The following UGT1A9 variants were observed in gnomAD, a reference collection of about 807,000 sequenced individuals.
UGT1A9 encodes UDP glucuronosyltransferase family 1 member A9, also known as UDP-glucuronosyltransferase 1A9.
UGT1A9 carries 35 observed loss-of-function variants against 45.0 expected under a neutral mutation model. The ratio of observed to expected loss-of-function variants is 0.78; its 90% CI spans 0.59 to 1.03. UGT1A9 has a LOEUF of 1.03. UGT1A9 is among the 50% of genes least tolerant of loss of function. UGT1A9 has a pLI of 0.00. For missense variants in UGT1A9, 687 were observed against 666.6 expected, an observed-to-expected ratio of 1.03 and a Z score of -0.34; for synonymous variants, 278 against 250.6, an observed-to-expected ratio of 1.11 and a Z score of -1.03.
At chr2:233,705,835 G>A (rs1031136010) in intron 1 of UGT1A9, among the ~76,000 whole-genome samples, 34 of 152,260 alleles carry the variant, frequency 2.2e-4, no homozygotes, top group African/African-American at 7.7e-4. Flanking sequence ...CACAGTGGCT[G>A]GAGCTGAAGT....
chr2:233,672,705 T>C lies in UGT1A9; in HGVS notation c.771T>C (p.Phe257=). Reference sequence around the variant, plus strand: ...CAATTTGGTTGTTGCGAACGGACTTTGTTTTGGACTATCCCAAACCCGTGA... The same window carrying C: ...CAATTTGGTTGTTGCGAACGGACTTCGTTTTGGACTATCCCAAACCCGTGA... ...HTSIWLLRTD[F]VLDYPKPVMP... is the part of the protein sequence containing the mutation. Residue 257 remains phenylalanine (F), a synonymous_variant, in exon 1 of 5, where the codon TTT becomes TTC. Coordinates refer to ENST00000354728, the MANE Select transcript of UGT1A9 (RefSeq NM_021027.3). The C allele has an allele frequency of 6.2e-7, 1 of 1,614,002 alleles. No individual in the cohort carries two copies. Among genetic ancestry groups the C allele is most frequent in the South Asian group, 1.1e-5 (1 of 91,074 alleles).
chr2:233,768,215 C>T lies in UGT1A9; in HGVS notation c.1076-5C>T. The T allele has an allele frequency of 1.2e-6, 2 of 1,614,186 alleles. No individual in the cohort carries two copies. Among genetic ancestry groups the T allele is most frequent in the Admixed American group, 3.3e-5 (2 of 60,020 alleles). On this transcript the variant is annotated splice_polypyrimidine_tract_variant and splice_region_variant and intron_variant, in intron 3 of 4. Coordinates refer to ENST00000354728, the MANE Select transcript of UGT1A9 (RefSeq NM_021027.3). Reference sequence around the variant, plus strand: ...TGCTGACATCCTCCCTATTTTGCATCTCAGGTCACCCGATGACCCGTGCCT... The same window carrying T: ...TGCTGACATCCTCCCTATTTTGCATTTCAGGTCACCCGATGACCCGTGCCT...
In UGT1A9 at chr2:233,719,788, G is replaced by T. The variant is rs184331208; in HGVS notation, c.855+46999G>T. 800 of 1,609,458 alleles carry T rather than the reference G, an allele frequency of 5.0e-4. 15 individuals are homozygous for T. The East Asian group carries it at 0.012, about 25-fold the overall frequency. On this transcript the variant is annotated intron_variant, in intron 1 of 4. Transcript: ENST00000354728. ...TTCCATATCTACTTATCTTTCCAAA[G>T]ATTTTATTTTGGCTTCTTTATAACA...
At chr2:233,728,309 T>C (rs1025928901) in intron 1 of UGT1A9, among the ~76,000 whole-genome samples, 4 of 152,178 alleles carry the variant, frequency 2.6e-5, no homozygotes, top group African/African-American at 9.6e-5. Flanking sequence ...CTGTGCAAGA[T>C]CTGAGGCCAG....
At chr2:233,742,793 T>C (rs1266813463) in intron 1 of UGT1A9, 1 of 152,996 alleles carries the variant, frequency 6.5e-6, no homozygotes, top group Non-Finnish European at 1.5e-5. Context: ...ATCATTAAAT[T>C]AAGCCAGAAG....
Position 233,672,017 on chromosome 2 carries a change from T to G in UGT1A9, c.83T>G (p.Leu28Arg), listed in dbSNP as rs775685755. ...TGTGGCTTTGCCGAGGCAGGGAAGC[T>G]ACTGGTAGTGCCCATGGATGGGAGC... is the stretch of plus-strand genomic sequence containing the variant. ...LTCGFAEAGKLLVVPMDGSHW... is the reference protein window; with the variant it reads ...LTCGFAEAGKRLVVPMDGSHW... The change falls in exon 1 of 5, where the codon CTA becomes CGA. Residue 28 changes from leucine (L) to arginine (R), a missense_variant. Leu to Arg is a moderately radical substitution (Grantham distance 102). Transcript: ENST00000354728. 1 of 1,614,158 alleles carries G rather than the reference T, an allele frequency of 6.2e-7. No individual in the cohort carries two copies. Among genetic ancestry groups the G allele is most frequent in the South Asian group, 1.1e-5 (1 of 91,082 alleles).
Position 233,674,345 on chromosome 2 carries a change from T to C in UGT1A9, c.855+1556T>C, listed in dbSNP as rs45539636. Among the ~76,000 whole-genome samples the C allele has an allele frequency of 2.4e-3, 364 of 152,320 alleles. 1 individual carries two copies. Among genetic ancestry groups the C allele is most frequent in the Non-Finnish European group, 4.1e-3 (276 of 68,034 alleles). ...CTAGGAGATGCAAATGGCAGAAATC[T>C]AAGAGGTTAGACTTGTCTAAGCACT... is the stretch of plus-strand genomic sequence containing the variant. On this transcript the variant is annotated intron_variant, in intron 1 of 4. Transcript: ENST00000354728.
At chr2:233,758,329 G>C (rs544542552) in intron 1 of UGT1A9, among the ~76,000 whole-genome samples, 16 of 152,342 alleles carry the variant, frequency 1.1e-4, no homozygotes, top group Non-Finnish European at 2.1e-4. Context: ...GCCTCAAAAA[G>C]CTTGGAAGCT....
At chr2:233,687,867 C>G (rs1299478356) in intron 1 of UGT1A9, among the ~76,000 whole-genome samples, 2 of 152,166 alleles carry the variant, frequency 1.3e-5, no homozygotes, top group Non-Finnish European at 2.9e-5. Flanking sequence ...ATGACTATTC[C>G]ACTCCACTCC....
In UGT1A9 at chr2:233,672,015, G is replaced by C; in HGVS notation, c.81G>C (p.Lys27Asn). ...LLTCGFAEAG[K>N]LLVVPMDGSH... ...CCTGTGGCTTTGCCGAGGCAGGGAA[G>C]CTACTGGTAGTGCCCATGGATGGGA... Residue 27 changes from lysine to asparagine, a missense_variant, in exon 1 of 5, where the codon AAG (lysine) becomes AAC (asparagine). Lys to Asn is a moderately conservative substitution (Grantham distance 94). Transcript: ENST00000354728. 6.2e-7 allele frequency: 1 copy of C among 1,614,164 alleles called. No homozygotes were observed. Among genetic ancestry groups the C allele is most frequent in the East Asian group, 2.2e-5 (1 of 44,882 alleles).
chr2:233,760,363 C>A lies in UGT1A9; in HGVS notation c.856-6671C>A, dbSNP rs1400895192. On this transcript the variant is annotated intron_variant, in intron 1 of 4. Transcript: ENST00000354728. ...GTGTGTGCTGGGCCCAGTGGTGTCC[C>A]ATGCTGGGAAGATACTGTTGATCCC... is the stretch of plus-strand genomic sequence containing the variant. 5.0e-6 allele frequency: 8 copies of A among 1,614,118 alleles called. No homozygotes were observed. In the East Asian group the frequency reaches 1.8e-4, roughly 36 times the overall value.
chr2:233,745,632 G>A (rs1693165975), intron 1 of UGT1A9, among the ~76,000 whole-genome samples: 1 of 151,552 alleles, frequency 6.6e-6, no homozygotes, highest in Non-Finnish European at 1.5e-5. Flanking sequence ...GTCATAGAAA[G>A]CTGGCCGAGG....
chr2:233,720,113 A>G (rs1489056833), intron 1 of UGT1A9, among the ~76,000 whole-genome samples: 1 of 152,208 alleles, frequency 6.6e-6, no homozygotes, highest in African/African-American at 2.4e-5. Flanking sequence ...CTTGCGAAAG[A>G]TACAGAGGTG....
intron 1 of UGT1A9, among the ~76,000 whole-genome samples, chr2:233,738,158 C>T (rs1307511207): frequency 6.6e-6 from 1 of 152,194 alleles, no homozygotes; most frequent in Admixed American, 6.5e-5. Flanking sequence ...AGCTATTCCT[C>T]TTTCTCTCTT....
intron 1 of UGT1A9, among the ~76,000 whole-genome samples, chr2:233,702,065 TG>T (rs1411404242): frequency 6.6e-6 from 1 of 152,236 alleles, no homozygotes; most frequent in Non-Finnish European, 1.5e-5. Context: ...CTAATTTTAA[TG>T]GTTTTTGGTA....
intron 1 of UGT1A9, chr2:233,755,156 G>A: frequency 7.7e-7 from 1 of 1,294,130 alleles, no homozygotes; most frequent in Middle Eastern, 2.2e-4. Context: ...CTTCCTCCCT[G>A]TCCTCGGGGT....
intron 1 of UGT1A9, among the ~76,000 whole-genome samples, chr2:233,736,405 A>G (rs1182654353): frequency 4.6e-5 from 7 of 152,208 alleles, no homozygotes; most frequent in Non-Finnish European, 1.0e-4. Context: ...CTAGTTAGGC[A>G]TTCATCTAAC....
chr2:233,772,237 A>G (rs1390917406), intron 4 of UGT1A9, 25 bp from the exon 5 acceptor site: 5 of 1,614,058 alleles, frequency 3.1e-6, no homozygotes, highest in Middle Eastern at 1.7e-4. Context: ...TGTTCCAGGC[A>G]TAACGAAACT....
intron 1 of UGT1A9, among the ~76,000 whole-genome samples, chr2:233,747,017 T>A (rs1217876341): frequency 1.3e-5 from 2 of 151,764 alleles, no homozygotes; most frequent in Non-Finnish European, 2.9e-5. Flanking sequence ...GAGTGATCGG[T>A]CTTTCCCGAA....
Sources: gnomAD v4.1 joint callset for allele counts (sites outside exome capture counted in the v4.1 genomes callset) on GRCh38, gnomAD v4.1.1 for gene constraint, MANE v1.5 for transcripts, NCBI Gene and HGNC (gene_info 2026-07-23, HGNC 2026-07-21) for gene names.